The following ZNF362 variants were observed in gnomAD, a reference collection of about 807,000 sequenced individuals.
ZNF362 encodes rotund homolog.
Under a neutral mutation model 42.9 loss-of-function variants are expected in ZNF362, and 11 were observed. The observed-to-expected ratio is 0.26, with a 90% CI of 0.16 to 0.42. ZNF362 has a LOEUF of 0.42. ZNF362 is among the 20% of genes least tolerant of loss of function. The pLI is 1.00. For synonymous variants in ZNF362, 255 were observed against 257.3 expected, an observed-to-expected ratio of 0.99 and a Z score of 0.09; for missense variants, 362 against 576.2, an observed-to-expected ratio of 0.63 and a Z score of 3.81.
At chr1:33,135,013 G>A in the ZNF362 span, among the ~76,000 whole-genome samples, 19 of 152,144 alleles carry the variant, frequency 1.2e-4, no homozygotes, top group Admixed American at 5.9e-4. Flanking sequence ...GGATCTGGGC[G>A]CCGTGGCTCA....
At chr1:33,133,974 C>T in the ZNF362 span, among the ~76,000 whole-genome samples, 10 of 152,374 alleles carry the variant, frequency 6.6e-5, no homozygotes, top group South Asian at 2.1e-3. Flanking sequence ...GCTGCCTCTG[C>T]TGTTACCACT....
chr1:33,299,107 GC>G lies in ZNF362; in HGVS notation c.*65del. ...CAGACACAGACCCAGGCAGCACCAGGCCCCAGCTCCCTCCGGGGGCCCTCCA... is the reference window on the plus strand; with the variant it reads ...CAGACACAGACCCAGGCAGCACCAGGCCCAGCTCCCTCCGGGGGCCCTCCA... On this transcript the variant is annotated 3_prime_UTR_variant, in exon 9 of 9. Transcript: ENST00000539719. The G allele has an allele frequency of 1.5e-6, 2 of 1,357,318 alleles. No individual in the cohort carries two copies. Among genetic ancestry groups the G allele is most frequent in the Non-Finnish European group, 1.0e-6 (1 of 962,356 alleles). 84.1% of individuals were successfully genotyped at this position (1,357,318 alleles called of 1,614,324 possible). A position where few individuals can be genotyped will look rare whatever the true frequency, so the allele number is the denominator to read the frequency against.
At chr1:33,160,354 G>C in the ZNF362 span, among the ~76,000 whole-genome samples, 1 of 152,024 alleles carries the variant, frequency 6.6e-6, no homozygotes, top group Non-Finnish European at 1.5e-5. Flanking sequence ...AGGGGACAGG[G>C]TGAAGATGTT....
At chr1:33,214,440 G>T in the ZNF362 span, among the ~76,000 whole-genome samples, 1 of 152,182 alleles carries the variant, frequency 6.6e-6, no homozygotes, top group Non-Finnish European at 1.5e-5. Flanking sequence ...TCTGGGCAAA[G>T]ATTTCTCAAA....
chr1:33,238,410 A>AAAAT, the ZNF362 span, among the ~76,000 whole-genome samples: 3 of 123,026 alleles, frequency 2.4e-5, no homozygotes, highest in African/African-American at 5.7e-5. Flanking sequence ...TAAAATAAAA[A>AAAAT]AAGAGATCTC....
At chr1:33,263,183 C>T (rs1645840942) in intron 1 of ZNF362, among the ~76,000 whole-genome samples, 1 of 152,200 alleles carries the variant, frequency 6.6e-6, no homozygotes, top group African/African-American at 2.4e-5. Context: ...GTGTCTCATA[C>T]ACACCCTTGC....
the ZNF362 span, chr1:33,146,678 T>C: frequency 1.2e-5 from 2 of 170,612 alleles, no homozygotes; most frequent in African/African-American, 4.8e-5. Context: ...CAGGCAACCC[T>C]AGGACCAGGT....
the ZNF362 span, among the ~76,000 whole-genome samples, chr1:33,209,393 T>C: frequency 6.6e-6 from 1 of 152,214 alleles, no homozygotes; most frequent in Admixed American, 6.5e-5. Flanking sequence ...TTTTTTGTTG[T>C]TGTGTCTCTG....
At chr1:33,252,493 T>G (rs994618621), upstream of ZNF362, among the ~76,000 whole-genome samples, 3 of 152,262 alleles carry the variant, frequency 2.0e-5, no homozygotes, top group Non-Finnish European at 4.4e-5. Context: ...TCTAGGTCTC[T>G]GAGTGACTAA....
At chr1:33,138,642 A>AAAG in the ZNF362 span, among the ~76,000 whole-genome samples, 1 of 145,980 alleles carries the variant, frequency 6.9e-6, no homozygotes, top group African/African-American at 2.5e-5. Flanking sequence ...AAAAAAAAAA[A>AAAG]AAAGAAAAGG....
At chr1:33,205,925 AT>A in the ZNF362 span, among the ~76,000 whole-genome samples, 14 of 152,254 alleles carry the variant, frequency 9.2e-5, no homozygotes, top group African/African-American at 2.4e-4. Flanking sequence ...CAAAAAAAAA[AT>A]AAATAAATAA....
At chr1:33,191,507 TG>T in the ZNF362 span, among the ~76,000 whole-genome samples, 1 of 150,920 alleles carries the variant, frequency 6.6e-6, no homozygotes, top group African/African-American at 2.4e-5. Flanking sequence ...TTTTTGTTTT[TG>T]TTTTTGTTTT....
At chr1:33,205,724 G>T in the ZNF362 span, among the ~76,000 whole-genome samples, 1 of 151,984 alleles carries the variant, frequency 6.6e-6, no homozygotes, top group Non-Finnish European at 1.5e-5. Flanking sequence ...GACCAGCTTG[G>T]CAAACATCAT....
At chr1:33,286,020 A>G (rs759444429) in intron 6 of ZNF362, among the ~76,000 whole-genome samples, 1 of 152,022 alleles carries the variant, frequency 6.6e-6, no homozygotes, top group South Asian at 2.1e-4. Flanking sequence ...CTGAGATCGC[A>G]CCACTGCACT....
At chr1:33,131,602 A>G in the ZNF362 span, among the ~76,000 whole-genome samples, 1 of 152,162 alleles carries the variant, frequency 6.6e-6, no homozygotes, top group African/African-American at 2.4e-5. Context: ...TCATTGGATA[A>G]CATTTTGTAT....
chr1:33,273,129 A>T (rs1645917954), intron 2 of ZNF362, among the ~76,000 whole-genome samples: 1 of 152,192 alleles, frequency 6.6e-6, no homozygotes, highest in Non-Finnish European at 1.5e-5. Context: ...TGGGAGTCTC[A>T]CATGAGATGC....
chr1:33,236,550 AATAT>A, the ZNF362 span, among the ~76,000 whole-genome samples: 1 of 5,978 alleles, frequency 1.7e-4, no homozygotes, highest in East Asian at 8.6e-3. Context: ...AAAAAAAAAA[AATAT>A]ATATATATAT....
the ZNF362 span, among the ~76,000 whole-genome samples, chr1:33,189,659 A>ATATATATATGTATATATATACG: frequency 8.3e-5 from 2 of 24,016 alleles, no homozygotes; most frequent in African/African-American, 1.9e-4. Context: ...ATATATATAT[A>ATATATATATGTATATATATACG]TATATATATA....
At chr1:33,159,843 C>T in the ZNF362 span, 39 of 1,613,572 alleles carry the variant, frequency 2.4e-5, no homozygotes, top group South Asian at 1.8e-4. The surrounding 1 kb of genome is among the most constrained non-coding windows in gnomAD (Gnocchi z 4.2). Context: ...GGGCCGTGTC[C>T]GCCTCCAGCT....
Sources: gnomAD v4.1 joint callset for allele counts (sites outside exome capture counted in the v4.1 genomes callset) on GRCh38, gnomAD v4.1.1 for gene constraint, Gnocchi (gnomAD v3.1) non-coding constraint, MANE v1.5 for transcripts, NCBI Gene and HGNC (gene_info 2026-07-23, HGNC 2026-07-21) for gene names.